EPHA6: variants seen among roughly 807,000 people sequenced by gnomAD.
EPHA6 encodes the protein ephrin type-A receptor 6.
A neutral mutation model predicts 112.0 loss-of-function variants in EPHA6; 50 were observed. That is an observed-to-expected ratio of 0.45 (90% CI 0.36 to 0.56). The LOEUF is 0.56. EPHA6 is among the 20% of genes least tolerant of loss of function. The probability of loss-of-function intolerance (pLI) is 0.00; values close to 1 mark genes in which losing one functional copy is unlikely to be tolerated. For missense variants in EPHA6, 1,280 were observed against 1,417.4 expected (o/e 0.90, Z 1.56); for synonymous variants, 529 against 490.7 (o/e 1.08, Z -1.03).
chr3:97,604,943 T>C (rs2093669665), intron 12 of EPHA6, among the ~76,000 whole-genome samples: 1 of 151,554 alleles, frequency 6.6e-6, no homozygotes, highest in Admixed American at 6.6e-5. Context: ...GAATACCTAC[T>C]CTGTGCCTAG....
At chr3:97,253,002 G>A (rs2079187432) in intron 5 of EPHA6, among the ~76,000 whole-genome samples, 2 of 151,964 alleles carry the variant, frequency 1.3e-5, no homozygotes, top group Non-Finnish European at 2.9e-5. Flanking sequence ...TTATGTAGTG[G>A]GAAAAAAAGA....
rs113121535 is a variant in EPHA6 at position 97,480,070 on chromosome 3, TG to T, written c.2074+707del. ...GAGATAATATGCAAGGCAACTTAAC[TG>T]TTTTATCTTTTATTTCAAATTGAGC... is the stretch of plus-strand genomic sequence containing the variant. On this transcript the variant is annotated intron_variant, in intron 9 of 17. Transcript: ENST00000389672. 3.2e-3 allele frequency among the ~76,000 whole-genome samples: 489 copies of T among 152,318 alleles called. 2 individuals carry two copies. The highest frequency in any genetic ancestry group is 0.01 in the African/African-American group (428 of 41,572).
At chr3:97,561,715 A>G (rs913585395) in intron 11 of EPHA6, among the ~76,000 whole-genome samples, 2 of 152,170 alleles carry the variant, frequency 1.3e-5, no homozygotes, top group Non-Finnish European at 2.9e-5. Flanking sequence ...CACATTTTCA[A>G]TGTAGTTGGA....
In EPHA6 at chr3:96,814,945, G is replaced by C; in HGVS notation, c.322G>C (p.Gly108Arg). ...CEVREFLLQF[G>R]FFLPLLTAWP... ...AGTCCGGGAATTTCTTTTGCAATTT[G>C]GTTTCTTCTTGCCTCTGCTGACAGC... The change falls in exon 1 of 18, where the codon GGT becomes CGT. Residue 108 changes from glycine to arginine, a missense_variant. Transcript: ENST00000389672. The C allele has an allele frequency of 6.4e-7, 1 of 1,550,898 alleles. No homozygotes were observed. The highest frequency in any genetic ancestry group is 1.2e-5 in the South Asian group (1 of 83,940).
intron 7 of EPHA6, among the ~76,000 whole-genome samples, chr3:97,454,961 G>C (rs565977219): frequency 5.3e-5 from 8 of 151,878 alleles, no homozygotes; most frequent in Non-Finnish European, 8.8e-5. Flanking sequence ...CAGTATATAA[G>C]ACTTTAATTT....
chr3:96,871,554 TTAAC>T (rs1291145517), intron 2 of EPHA6, among the ~76,000 whole-genome samples: 1 of 152,014 alleles, frequency 6.6e-6, no homozygotes, highest in African/African-American at 2.4e-5. Context: ...CTTTGTTTAC[TTAAC>T]TAATAAGGCA....
At chr3:97,313,934 T>G (rs140805453) in intron 5 of EPHA6, among the ~76,000 whole-genome samples, 1 of 151,752 alleles carries the variant, frequency 6.6e-6, no homozygotes, top group Non-Finnish European at 1.5e-5. Context: ...GCTTTTGGAG[T>G]CCTATTCAAG....
At chr3:96,886,434 CTT>C (rs1361459831) in intron 2 of EPHA6, among the ~76,000 whole-genome samples, 2 of 152,142 alleles carry the variant, frequency 1.3e-5, no homozygotes, top group African/African-American at 4.8e-5. Context: ...TAATGTCCCT[CTT>C]TGTCTCTTTT....
intron 14 of EPHA6, among the ~76,000 whole-genome samples, chr3:97,688,124 C>T (rs2032387075): frequency 6.6e-6 from 1 of 152,114 alleles, no homozygotes; most frequent in African/African-American, 2.4e-5. Flanking sequence ...ATAATACAAC[C>T]TACCATAATA....
intron 14 of EPHA6, among the ~76,000 whole-genome samples, chr3:97,713,151 T>C (rs1461935288): frequency 6.6e-6 from 1 of 152,110 alleles, no homozygotes; most frequent in African/African-American, 2.4e-5. Flanking sequence ...CAAGTGTGTC[T>C]GATGAAAGAC....
intron 3 of EPHA6, among the ~76,000 whole-genome samples, chr3:97,089,291 A>G (rs923971944): frequency 6.6e-6 from 1 of 152,062 alleles, no homozygotes; most frequent in African/African-American, 2.4e-5. Flanking sequence ...CTAATATCAA[A>G]CTTGTTGATA....
intron 1 of EPHA6, among the ~76,000 whole-genome samples, chr3:96,857,986 G>A (rs57990448): frequency 0.016 from 2,438 of 152,050 alleles, 67 homozygotes; most frequent in African/African-American, 0.049. Context: ...TGGCAGTTCA[G>A]CTCTACCTTT....
At chr3:97,201,919 C>T (rs1409915110) in intron 3 of EPHA6, among the ~76,000 whole-genome samples, 1 of 152,080 alleles carries the variant, frequency 6.6e-6, no homozygotes. Context: ...ATCTTCATCA[C>T]CAGCTCATAA....
chr3:97,655,012 C>T (rs893750810), intron 14 of EPHA6, among the ~76,000 whole-genome samples: 6 of 150,202 alleles, frequency 4.0e-5, no homozygotes, highest in Admixed American at 6.7e-5. Context: ...TAGTTTATGC[C>T]GGTAAAGAAG....
chr3:97,222,567 A>AT (rs2108536701), intron 3 of EPHA6, among the ~76,000 whole-genome samples: 1 of 152,296 alleles, frequency 6.6e-6, no homozygotes, highest in Admixed American at 6.5e-5. Flanking sequence ...TAGAATAATC[A>AT]TTTTTCAGAC....
At chr3:96,981,945 TTTC>T (rs1278025696) in intron 2 of EPHA6, among the ~76,000 whole-genome samples, 1 of 152,178 alleles carries the variant, frequency 6.6e-6, no homozygotes, top group African/African-American at 2.4e-5. Flanking sequence ...TCTTCTCTCT[TTTC>T]TTCTTTATTA....
intron 15 of EPHA6, among the ~76,000 whole-genome samples, chr3:97,731,906 G>T (rs2035052379): frequency 6.6e-6 from 1 of 151,486 alleles, no homozygotes. Context: ...CCTCTACTTG[G>T]CACATCTAAT....
intron 5 of EPHA6, among the ~76,000 whole-genome samples, chr3:97,289,614 T>A (rs993233824): frequency 6.6e-6 from 1 of 151,984 alleles, no homozygotes; most frequent in African/African-American, 2.4e-5. Flanking sequence ...ATTTGGTACT[T>A]TTTTAGGAAT....
rs560695226 is a variant in EPHA6, at chr3:96,978,091, T to C, written c.451-9239T>C. ...GGAAGGATTTCTTGAGCCTGGGACA[T>C]GGAGGTTGCAGTGACCAAAAATTGC... On this transcript the variant is annotated intron_variant, in intron 2 of 17. Transcript: ENST00000389672. 4.6e-5 allele frequency among the ~76,000 whole-genome samples: 7 copies of C among 152,228 alleles called. No homozygotes were observed. The South Asian group carries it at 1.5e-3, about 32-fold the overall frequency.
Sources: gnomAD v4.1 joint callset for allele counts (sites outside exome capture counted in the v4.1 genomes callset) on GRCh38, gnomAD v4.1.1 for gene constraint, MANE v1.5 for transcripts, NCBI Gene and HGNC (gene_info 2026-07-23, HGNC 2026-07-21) for gene names.